The following SAMMSON variants were observed in gnomAD, a reference collection of about 807,000 sequenced individuals.
SAMMSON encodes the protein survival associated mitochondrial melanoma specific oncogenic non-coding RNA, also known as long intergenic non-protein coding RNA 1212.
intron 7 of SAMMSON, among the ~76,000 whole-genome samples, chr3:70,312,280 C>T (rs1228151994): frequency 1.3e-5 from 2 of 152,154 alleles, no homozygotes. Context: ...AAGAAACAAA[C>T]AAACATTCAG....
At chr3:70,107,460 C>G (rs1041292931) in intron 4 of SAMMSON, among the ~76,000 whole-genome samples, 2 of 152,196 alleles carry the variant, frequency 1.3e-5, no homozygotes, top group Middle Eastern at 3.4e-3. Context: ...GCCAATAACC[C>G]TAGAAAGGAA....
intron 4 of SAMMSON, among the ~76,000 whole-genome samples, chr3:70,092,605 C>G (rs2067308752): frequency 6.6e-6 from 1 of 152,120 alleles, no homozygotes; most frequent in Non-Finnish European, 1.5e-5. Flanking sequence ...AAAGAAGAAC[C>G]TTTCTTCTTT....
At chr3:70,243,184 C>T (rs1160048739) in intron 4 of SAMMSON, among the ~76,000 whole-genome samples, 4 of 152,188 alleles carry the variant, frequency 2.6e-5, no homozygotes, top group African/African-American at 9.6e-5. Flanking sequence ...GGCTCATGAA[C>T]ATCTTGTTAA....
chr3:70,233,206 C>T (rs947789276), intron 4 of SAMMSON, among the ~76,000 whole-genome samples: 1 of 152,180 alleles, frequency 6.6e-6, no homozygotes, highest in African/African-American at 2.4e-5. Flanking sequence ...AGCGAGCTCT[C>T]CCAAAACCCT....
At chr3:70,106,298 G>A (rs752159142) in intron 4 of SAMMSON, among the ~76,000 whole-genome samples, 5 of 150,694 alleles carry the variant, frequency 3.3e-5, no homozygotes, top group Non-Finnish European at 5.9e-5. Flanking sequence ...TTGTTAAAAT[G>A]CAGGCCTAAT....
At chr3:70,306,588 T>G (rs1702403116) in intron 7 of SAMMSON, among the ~76,000 whole-genome samples, 1 of 152,126 alleles carries the variant, frequency 6.6e-6, no homozygotes, top group African/African-American at 2.4e-5. Flanking sequence ...CCCTATTTTT[T>G]TTATCATTTT....
intron 3 of SAMMSON, among the ~76,000 whole-genome samples, chr3:70,066,888 T>C (rs1364517860): frequency 6.6e-6 from 1 of 152,092 alleles, no homozygotes; most frequent in Non-Finnish European, 1.5e-5. Flanking sequence ...CATGTCCATC[T>C]GCCGAATGTT....
rs574818318 is a variant in SAMMSON at position 70,270,803 on chromosome 3, A to T, written n.675-20376A>T. Among the ~76,000 whole-genome samples the T allele has an allele frequency of 1.1e-4, 16 of 152,240 alleles. 2 individuals carry two copies. The South Asian group carries it at 3.3e-3, about 32-fold the overall frequency. On this transcript the variant is annotated intron_variant and non_coding_transcript_variant, in intron 6 of 9. Coordinates refer to ENST00000642114, the Ensembl canonical transcript of SAMMSON. ...CACAGGAACCAAAAACCAAAAACAC[A>T]AGTTATCACTCATAAGTGGGAGTTG...
chr3:70,288,714 C>G, intron 6 of SAMMSON, among the ~76,000 whole-genome samples: 1 of 151,796 alleles, frequency 6.6e-6, no homozygotes, highest in Non-Finnish European at 1.5e-5. Context: ...GTAGGTCACT[C>G]AGGACTTGCT....
chr3:70,294,811 A>T (rs1401911480), intron 7 of SAMMSON, among the ~76,000 whole-genome samples: 5 of 152,104 alleles, frequency 3.3e-5, no homozygotes, highest in Non-Finnish European at 7.4e-5. Context: ...GGCTTCTCTT[A>T]TAAGATGGTT....
At chr3:70,273,144 AC>A (rs1701990212) in intron 6 of SAMMSON, among the ~76,000 whole-genome samples, 2 of 152,196 alleles carry the variant, frequency 1.3e-5, no homozygotes, top group South Asian at 4.1e-4. Flanking sequence ...AAAAGGACTG[AC>A]AAATCTAAGA....
Position 70,261,019 on chromosome 3 carries a change from A to G in SAMMSON, n.674+11349A>G, listed in dbSNP as rs74741470. Among the ~76,000 whole-genome samples, 7 of 152,240 alleles carry G rather than the reference A, an allele frequency of 4.6e-5. No homozygotes were observed. In the South Asian group the frequency reaches 1.5e-3, roughly 32 times the overall value. Reference sequence around the variant, plus strand: ...GGTCTCTTGAAAAATTCCGCTTGACATGAAACAGACCTTGCACAAATTATT... The same window carrying G: ...GGTCTCTTGAAAAATTCCGCTTGACGTGAAACAGACCTTGCACAAATTATT... On this transcript the variant is annotated intron_variant and non_coding_transcript_variant, in intron 6 of 9. Transcript: ENST00000642114.
intron 3 of SAMMSON, among the ~76,000 whole-genome samples, chr3:70,057,616 A>G (rs2067172825): frequency 6.6e-6 from 1 of 151,954 alleles, no homozygotes; most frequent in African/African-American, 2.4e-5. Context: ...ATTCGTATAA[A>G]TGCCAAGCTA....
At chr3:70,309,887 G>A (rs999121852) in intron 7 of SAMMSON, among the ~76,000 whole-genome samples, 1 of 152,128 alleles carries the variant, frequency 6.6e-6, no homozygotes, top group Non-Finnish European at 1.5e-5. Flanking sequence ...TGCCTACGCT[G>A]TACTTAATGG....
chr3:70,085,346 C>T (rs188712316), intron 4 of SAMMSON, among the ~76,000 whole-genome samples: 1 of 152,126 alleles, frequency 6.6e-6, no homozygotes, highest in Non-Finnish European at 1.5e-5. Flanking sequence ...TTTTCATTAT[C>T]ACCTTCATGA....
At chr3:70,119,113 C>T (rs940155560) in intron 4 of SAMMSON, among the ~76,000 whole-genome samples, 1 of 152,094 alleles carries the variant, frequency 6.6e-6, no homozygotes. Context: ...GTTACCCAAG[C>T]TGGAGTGCCA....
At chr3:70,401,006 T>C (rs963741038) in intron 2 of SAMMSON, among the ~76,000 whole-genome samples, 1 of 152,158 alleles carries the variant, frequency 6.6e-6, no homozygotes, top group Non-Finnish European at 1.5e-5. Flanking sequence ...TCAAAAGGAA[T>C]TTATAATCAT....
chr3:70,187,272 G>A (rs1407697308), intron 4 of SAMMSON, among the ~76,000 whole-genome samples: 1 of 152,074 alleles, frequency 6.6e-6, no homozygotes, highest in Admixed American at 6.5e-5. Context: ...ACCCATGATG[G>A]AGAAGGGTCT....
At chr3:70,174,547 T>G (rs186382519) in intron 4 of SAMMSON, among the ~76,000 whole-genome samples, 20 of 152,126 alleles carry the variant, frequency 1.3e-4, no homozygotes, top group Admixed American at 1.2e-3. Context: ...TAGATTTAGG[T>G]AAATTACCAT....
Sources: gnomAD v4.1 joint callset for allele counts (sites outside exome capture counted in the v4.1 genomes callset) on GRCh38, gnomAD v4.1.1 for gene constraint, MANE v1.5 for transcripts, NCBI Gene and HGNC (gene_info 2026-07-23, HGNC 2026-07-21) for gene names.